SEPTIN9: variants seen among roughly 807,000 people sequenced by gnomAD.
The protein encoded by SEPTIN9 is septin 9.
A neutral mutation model predicts 56.6 loss-of-function variants in SEPTIN9; 13 were observed. The observed-to-expected ratio is 0.23, with a 90% CI of 0.15 to 0.37. SEPTIN9 has a LOEUF of 0.37. Among genes scored for constraint, SEPTIN9 ranks in the 10% least tolerant of loss-of-function variants. The pLI, the probability that SEPTIN9 is intolerant of heterozygous loss-of-function variation, is 1.00. For synonymous variants in SEPTIN9, 332 were observed against 334.1 expected (o/e 0.99, Z 0.07); for missense variants, 650 against 823.1 (o/e 0.79, Z 2.57).
chr17:77,413,264 G>A (rs1020133485), intron 3 of SEPTIN9, among the ~76,000 whole-genome samples: 17 of 152,160 alleles, frequency 1.1e-4, no homozygotes, highest in South Asian at 4.2e-4. Flanking sequence ...GAATTCACTC[G>A]TGAAACCATC....
intron 3 of SEPTIN9, among the ~76,000 whole-genome samples, chr17:77,407,347 G>A (rs1325023846): frequency 6.6e-6 from 1 of 150,532 alleles, no homozygotes; most frequent in African/African-American, 2.4e-5. Context: ...GACATAATAG[G>A]TGTGCCATGA....
At position 77,475,121 on chromosome 17, in the gene SEPTIN9, C is replaced by A; in HGVS notation, c.722-7023C>A. The A allele has an allele frequency of 1.5e-6, 1 of 650,358 alleles. No individual in the cohort carries two copies. Among genetic ancestry groups the A allele is most frequent in the Non-Finnish European group, 2.0e-6 (1 of 497,812 alleles). 40.3% of individuals were successfully genotyped at this position (650,358 alleles called of 1,614,324 possible). A position where few individuals can be genotyped will look rare whatever the true frequency, so the allele number is the denominator to read the frequency against. ...CACCAGACTTTTTGCCGGGGCTTGC[C>A]GTGAGCCCTACGCTGCTCTGAAGAA... On this transcript the variant is annotated intron_variant, in intron 3 of 11. Transcript: ENST00000427177. The surrounding 1 kb of genome is among the most constrained non-coding windows in gnomAD (Gnocchi z 4.6).
At position 77,459,681 on chromosome 17, in the gene SEPTIN9, C is replaced by T. The variant is rs553044376; in HGVS notation, c.722-22463C>T. ...GTAGAAGGTGAAGGGGGAGCTGGCACGTCACATGGCGAGAGAGAGAACTCC... is the reference window on the plus strand; with the variant it reads ...GTAGAAGGTGAAGGGGGAGCTGGCATGTCACATGGCGAGAGAGAGAACTCC... On this transcript the variant is annotated intron_variant, in intron 3 of 11. Coordinates refer to ENST00000427177, the MANE Select transcript of SEPTIN9 (RefSeq NM_001113491.2). 9.9e-5 allele frequency among the ~76,000 whole-genome samples: 15 copies of T among 151,768 alleles called. No individual in the cohort carries two copies. In the South Asian group the frequency reaches 1.2e-3, roughly 13 times the overall value.
rs2037307961 is a variant in SEPTIN9 at position 77,435,608 on chromosome 17, CAT to C, written c.721+32906_721+32907del. Among the ~76,000 whole-genome samples, 1 of 152,240 alleles carries C rather than the reference CAT, an allele frequency of 6.6e-6. No individual in the cohort carries two copies. Among genetic ancestry groups the C allele is most frequent in the Non-Finnish European group, 1.5e-5 (1 of 68,044 alleles). On this transcript the variant is annotated intron_variant, in intron 3 of 11. Transcript: ENST00000427177. This position sits in a 1 kb window ranked among gnomAD's most constrained non-coding sequence, Gnocchi z 4.5. ...CTCATCAGCACAGCCCAGTCTCACA[CAT>C]GTCACTCCCAAAGGATGTTGACACA...
At chr17:77,467,360 T>C (rs1467009504) in intron 3 of SEPTIN9, among the ~76,000 whole-genome samples, 1 of 152,204 alleles carries the variant, frequency 6.6e-6, no homozygotes, top group African/African-American at 2.4e-5. Flanking sequence ...GCCCATGGGC[T>C]CTGCCTGTCC....
At chr17:77,311,316 G>A (rs988102158) in intron 2 of SEPTIN9, among the ~76,000 whole-genome samples, 4 of 146,050 alleles carry the variant, frequency 2.7e-5, no homozygotes, top group East Asian at 2.2e-4. Flanking sequence ...GAGAGAACCC[G>A]CTTCCATTTT....
chr17:77,373,709 G>A (rs2034806784), intron 2 of SEPTIN9: 2 of 1,328,524 alleles, frequency 1.5e-6, no homozygotes, highest in Non-Finnish European at 1.9e-6. Flanking sequence ...AGCGCCGCGC[G>A]CCCCCGGCCC....
At chr17:77,383,778 G>A (rs780213043) in intron 2 of SEPTIN9, among the ~76,000 whole-genome samples, 13 of 152,202 alleles carry the variant, frequency 8.5e-5, no homozygotes, top group Admixed American at 2.6e-4. Flanking sequence ...GGCCCAGGGC[G>A]GAGTGTAGGC....
intron 1 of SEPTIN9, among the ~76,000 whole-genome samples, chr17:77,292,235 T>C (rs1248379602): frequency 6.6e-6 from 1 of 152,170 alleles, no homozygotes; most frequent in Admixed American, 6.5e-5. Flanking sequence ...CCACCTACCC[T>C]CTGCAGTCCC....
chr17:77,484,460 ATTG>A (rs2039593449), intron 4 of SEPTIN9, among the ~76,000 whole-genome samples: 1 of 95,824 alleles, frequency 1.0e-5, no homozygotes, highest in African/African-American at 4.4e-5. Context: ...GGTGGTGGTG[ATTG>A]TGGTGGTGGT....
At chr17:77,482,441 G>A in intron 4 of SEPTIN9, 106 bp downstream of exon 4, 1 of 1,138,262 alleles carries the variant, frequency 8.8e-7, no homozygotes, top group South Asian at 1.3e-5. Context: ...GTAAAATGGG[G>A]CAGCAACCCT....
chr17:77,388,646 G>C (rs1050574283), intron 2 of SEPTIN9, among the ~76,000 whole-genome samples: 7 of 152,042 alleles, frequency 4.6e-5, no homozygotes, highest in Non-Finnish European at 8.8e-5. Context: ...AGCTGTGACC[G>C]GAGCCTGAAC....
rs904363488 is a variant in SEPTIN9, at chr17:77,435,618, C to A, written c.721+32915C>A. Among the ~76,000 whole-genome samples the A allele has an allele frequency of 6.6e-6, 1 of 152,204 alleles. No individual in the cohort carries two copies. The highest frequency in any genetic ancestry group is 6.5e-5 in the Admixed American group (1 of 15,282). On this transcript the variant is annotated intron_variant, in intron 3 of 11. Coordinates refer to ENST00000427177, the MANE Select transcript of SEPTIN9 (RefSeq NM_001113491.2). The surrounding 1 kb of genome is among the most constrained non-coding windows in gnomAD (Gnocchi z 4.5). ...CAGCCCAGTCTCACACATGTCACTCCCAAAGGATGTTGACACAGAATGAAG... is the reference window on the plus strand; with the variant it reads ...CAGCCCAGTCTCACACATGTCACTCACAAAGGATGTTGACACAGAATGAAG...
chr17:77,475,624 G>A lies in SEPTIN9; in HGVS notation c.722-6520G>A, dbSNP rs1241626990. Reference sequence around the variant, plus strand: ...GGAGCCTGCAGAGGGAGGGCAGCTGGAGGCTGCTCCAGTGTGCATTGTTAC... The same window carrying A: ...GGAGCCTGCAGAGGGAGGGCAGCTGAAGGCTGCTCCAGTGTGCATTGTTAC... On this transcript the variant is annotated intron_variant, in intron 3 of 11. Transcript: ENST00000427177. This position sits in a 1 kb window ranked among gnomAD's most constrained non-coding sequence, Gnocchi z 4.6. 1.2e-6 allele frequency: 2 copies of A among 1,613,670 alleles called. No individual in the cohort carries two copies. The highest frequency in any genetic ancestry group is 2.7e-5 in the African/African-American group (2 of 74,944).
Position 77,475,402 on chromosome 17 carries a change from C to A in SEPTIN9, c.722-6742C>A. ...GAGATAGGAGAGGAGGAGGGAGCAGCCCTGGCCGGACACTGTCCTCCTAGC... is the reference window on the plus strand; with the variant it reads ...GAGATAGGAGAGGAGGAGGGAGCAGACCTGGCCGGACACTGTCCTCCTAGC... On this transcript the variant is annotated intron_variant, in intron 3 of 11. Transcript: ENST00000427177. This position sits in a 1 kb window ranked among gnomAD's most constrained non-coding sequence, Gnocchi z 4.6. 1 of 1,455,720 alleles carries A rather than the reference C, an allele frequency of 6.9e-7. No homozygotes were observed. The highest frequency in any genetic ancestry group is 2.4e-5 in the East Asian group (1 of 40,876). The allele number at this position is 1,455,720 out of a possible 1,614,324, so 90.2% of individuals were successfully genotyped here.
At chr17:77,349,911 C>T (rs2034003685) in intron 2 of SEPTIN9, among the ~76,000 whole-genome samples, 1 of 152,250 alleles carries the variant, frequency 6.6e-6, no homozygotes, top group South Asian at 2.1e-4. Flanking sequence ...GCAGTGGCCT[C>T]TCTGCCTTGA....
At chr17:77,376,549 G>C (rs1031815212) in intron 2 of SEPTIN9, 1 of 253,012 alleles carries the variant, frequency 4.0e-6, no homozygotes, top group African/African-American at 2.3e-5. Context: ...AGCAGGACGA[G>C]CTCTGAGCCA....
intron 2 of SEPTIN9, among the ~76,000 whole-genome samples, chr17:77,365,722 C>T (rs1007829780): frequency 3.5e-4 from 54 of 152,308 alleles, no homozygotes; most frequent in African/African-American, 1.2e-3. Flanking sequence ...TCTTTCCTTC[C>T]ACCTGCTGGG....
At chr17:77,342,633 C>G (rs1470694886) in intron 2 of SEPTIN9, among the ~76,000 whole-genome samples, 1 of 152,026 alleles carries the variant, frequency 6.6e-6, no homozygotes, top group Non-Finnish European at 1.5e-5. Context: ...AGGTAGTTAA[C>G]TATTAAAGGG....
Sources: gnomAD v4.1 joint callset for allele counts (sites outside exome capture counted in the v4.1 genomes callset) on GRCh38, gnomAD v4.1.1 for gene constraint, Gnocchi (gnomAD v3.1) non-coding constraint, MANE v1.5 for transcripts, NCBI Gene and HGNC (gene_info 2026-07-23, HGNC 2026-07-21) for gene names.